ELAPOR1: variants seen among roughly 807,000 people sequenced by gnomAD.
ELAPOR1 encodes the protein endosome/lysosome-associated apoptosis and autophagy regulator 1.
In ELAPOR1, 77 loss-of-function variants were observed where a neutral mutation model predicts 119.7. The ratio of observed to expected loss-of-function variants is 0.64; its 90% confidence interval spans 0.54 to 0.78. The LOEUF (loss-of-function observed/expected upper bound fraction) is 0.78. Among genes scored for constraint, ELAPOR1 ranks in the 30% least tolerant of loss-of-function variants. The probability of loss-of-function intolerance (pLI) is 0.00; values close to 1 mark genes in which losing one functional copy is unlikely to be tolerated. For missense variants in ELAPOR1, 1,115 were observed against 1,270.4 expected (o/e 0.88, Z 1.86); for synonymous variants, 481 against 487.2 (o/e 0.99, Z 0.17).
At chr1:109,140,724 G>C (rs1396413931) in intron 1 of ELAPOR1, among the ~76,000 whole-genome samples, 1 of 152,160 alleles carries the variant, frequency 6.6e-6, no homozygotes, top group Non-Finnish European at 1.5e-5. Context: ...GCTGAATATA[G>C]CAGTTTCATT....
At position 109,164,659 on chromosome 1, in the gene ELAPOR1, C is replaced by G. The variant is rs780943794; in HGVS notation, c.435C>G (p.Asp145Glu). 17 of 1,614,066 alleles carry G rather than the reference C, an allele frequency of 1.1e-5. No homozygotes were observed. Among genetic ancestry groups the G allele is most frequent in the Non-Finnish European group, 1.4e-5 (16 of 1,180,000 alleles). ...ASLSANMELD[D>E]SAAESTGNCT... Reference sequence around the variant, plus strand: ...TCTCAGCCAACATGGAGCTGGATGACAGTGCTGCTGAGTCCACCGGGAACT... The same window carrying G: ...TCTCAGCCAACATGGAGCTGGATGAGAGTGCTGCTGAGTCCACCGGGAACT... The change falls in exon 3 of 22, where the codon GAC becomes GAG. Residue 145 changes from aspartate (D) to glutamate (E), a missense_variant. Physicochemically the swap from Asp to Glu is conservative, Grantham distance 45 (BLOSUM62 2). Transcript: ENST00000369939.
chr1:109,117,475 A>G (rs1368492085), intron 1 of ELAPOR1, among the ~76,000 whole-genome samples: 1 of 152,176 alleles, frequency 6.6e-6, no homozygotes, highest in Non-Finnish European at 1.5e-5. Context: ...TCTATATTGA[A>G]AAGCCCATGG....
In ELAPOR1 at chr1:109,197,028, A is replaced by G. The variant is rs144057936; in HGVS notation, c.2122-446A>G. Among the ~76,000 whole-genome samples the G allele has an allele frequency of 3.2e-3, 480 of 152,156 alleles. 2 individuals carry two copies. Among genetic ancestry groups the G allele is most frequent in the Non-Finnish European group, 5.7e-3 (389 of 68,000 alleles). On this transcript the variant is annotated intron_variant, in intron 15 of 21. Coordinates refer to ENST00000369939, the MANE Select transcript of ELAPOR1 (RefSeq NM_020775.5). The stretch of plus-strand genomic sequence containing the variant: ...ATAACATTGAAAATGTTGACTGGGC[A>G]CAGTGGCTCACCCCTGTAATCCCAA...
chr1:109,182,390 A>G (rs1364194486), intron 7 of ELAPOR1, among the ~76,000 whole-genome samples: 1 of 151,990 alleles, frequency 6.6e-6, no homozygotes, highest in Non-Finnish European at 1.5e-5. Context: ...AATAATAGTT[A>G]CTGCTATCTA....
At chr1:109,174,881 A>T (rs932145956) in intron 7 of ELAPOR1, among the ~76,000 whole-genome samples, 5 of 151,748 alleles carry the variant, frequency 3.3e-5, no homozygotes, top group Non-Finnish European at 5.9e-5. Flanking sequence ...GCGCCCGGCT[A>T]ATTTTTTGTA....
chr1:109,114,772 C>T (rs1286273072), intron 1 of ELAPOR1, among the ~76,000 whole-genome samples: 2 of 152,090 alleles, frequency 1.3e-5, no homozygotes, highest in Non-Finnish European at 2.9e-5. Flanking sequence ...AGTATCAGAG[C>T]GAAGTGGTTT....
chr1:109,174,441 A>T (rs1173484717), intron 7 of ELAPOR1, among the ~76,000 whole-genome samples: 1 of 138,586 alleles, frequency 7.2e-6, no homozygotes, highest in Admixed American at 7.4e-5. Context: ...AAAAAAAAAA[A>T]AAAAAAATCA....
chr1:109,183,955 C>T (rs1316971209), intron 7 of ELAPOR1, among the ~76,000 whole-genome samples: 4 of 151,762 alleles, frequency 2.6e-5, no homozygotes, highest in African/African-American at 9.7e-5. Flanking sequence ...TGGGCTGGTG[C>T]GGGAGGCGGG....
chr1:109,129,646 G>A (rs1008816211), intron 1 of ELAPOR1, among the ~76,000 whole-genome samples: 3 of 152,170 alleles, frequency 2.0e-5, no homozygotes, highest in African/African-American at 7.2e-5. Flanking sequence ...GAGGCCAGTT[G>A]GGAAGGAGCA....
intron 1 of ELAPOR1, among the ~76,000 whole-genome samples, chr1:109,130,952 G>A (rs1044516556): frequency 1.3e-5 from 2 of 152,120 alleles, no homozygotes; most frequent in Non-Finnish European, 2.9e-5. Context: ...AACCTGGGCC[G>A]CATAGCAAGA....
At chr1:109,162,425 C>T (rs1352258694) in intron 2 of ELAPOR1, among the ~76,000 whole-genome samples, 1 of 152,174 alleles carries the variant, frequency 6.6e-6, no homozygotes, top group East Asian at 1.9e-4. Context: ...GTCAGAGAGG[C>T]TAAGTTTCTG....
chr1:109,135,592 C>T (rs1649421315), intron 1 of ELAPOR1, among the ~76,000 whole-genome samples: 1 of 152,186 alleles, frequency 6.6e-6, no homozygotes, highest in Admixed American at 6.5e-5. Context: ...GCTGCTGCTG[C>T]TGCCCCCACA....
At chr1:109,197,734 G>T (rs1474828429) in intron 16 of ELAPOR1, 80 bp downstream of exon 16, 67 of 1,442,332 alleles carry the variant, frequency 4.6e-5, no homozygotes, top group Admixed American at 8.8e-5. Context: ...AGAGTGTGAG[G>T]TTACCAGTCT....
intron 13 of ELAPOR1, 46 bp downstream of exon 13, chr1:109,191,909 C>A: frequency 1.2e-6 from 2 of 1,605,908 alleles, no homozygotes; most frequent in Non-Finnish European, 1.7e-6. Context: ...ACCCTCTGAA[C>A]CCAGGAGGAC....
At chr1:109,172,427 G>T in intron 4 of ELAPOR1, 61 bp from the exon 5 acceptor site, 1 of 1,265,082 alleles carries the variant, frequency 7.9e-7, no homozygotes, top group Non-Finnish European at 1.2e-6. Flanking sequence ...GTGCAATGTG[G>T]GGAAAGGTAT....
intron 1 of ELAPOR1, among the ~76,000 whole-genome samples, chr1:109,124,449 T>G (rs960133692): frequency 3.9e-5 from 6 of 152,176 alleles, no homozygotes; most frequent in Non-Finnish European, 8.8e-5. Flanking sequence ...ATAATATAAT[T>G]TATATAACTA....
chr1:109,199,193 T>C (rs1654011357), intron 18 of ELAPOR1, among the ~76,000 whole-genome samples: 1 of 152,202 alleles, frequency 6.6e-6, no homozygotes. Context: ...GGTTAATAGC[T>C]GAGTGAACTA....
chr1:109,201,884 G>A (rs1654190358), intron 21 of ELAPOR1, among the ~76,000 whole-genome samples: 1 of 152,058 alleles, frequency 6.6e-6, no homozygotes, highest in Admixed American at 6.5e-5. Context: ...AGGATCTCTT[G>A]AGGCTGGGAG....
intron 1 of ELAPOR1, among the ~76,000 whole-genome samples, chr1:109,157,078 T>G (rs1284100573): frequency 2.0e-5 from 3 of 152,218 alleles, no homozygotes; most frequent in Non-Finnish European, 2.9e-5. Context: ...TCCCTTCCCC[T>G]TGGGCCTTGT....
Sources: gnomAD v4.1 joint callset for allele counts (sites outside exome capture counted in the v4.1 genomes callset) on GRCh38, gnomAD v4.1.1 for gene constraint, MANE v1.5 for transcripts, NCBI Gene and HGNC (gene_info 2026-07-23, HGNC 2026-07-21) for gene names.